AVEN: variants seen among roughly 807,000 people sequenced by gnomAD.
The protein encoded by AVEN is apoptosis and caspase activation inhibitor, also known as cell death regulator Aven.
Under a neutral mutation model 38.1 loss-of-function variants are expected in AVEN, and 41 were observed. The observed-to-expected ratio is 1.08, with a 90% CI of 0.84 to 1.40. AVEN has a LOEUF of 1.40. Ranked by LOEUF, AVEN falls within the 40% of genes most tolerant of loss-of-function variation. The probability of loss-of-function intolerance (pLI) is 0.00; values close to 1 mark genes in which losing one functional copy is unlikely to be tolerated. For missense variants in AVEN, 605 were observed against 438.8 expected (o/e 1.38, Z -3.38); for synonymous variants, 206 against 171.8 (o/e 1.20, Z -1.56).
intron 2 of AVEN, among the ~76,000 whole-genome samples, chr15:33,909,301 G>T (rs745696776): frequency 6.6e-6 from 1 of 152,104 alleles, no homozygotes; most frequent in Non-Finnish European, 1.5e-5. Flanking sequence ...CAGAGAAAGA[G>T]ACAAAAGTAA....
At chr15:33,898,493 C>T (rs1248643301) in intron 2 of AVEN, among the ~76,000 whole-genome samples, 1 of 152,178 alleles carries the variant, frequency 6.6e-6, no homozygotes, top group African/African-American at 2.4e-5. Flanking sequence ...AGCATCTAGC[C>T]TTGCTAGCAA....
chr15:34,024,137 T>C (rs566078075), intron 1 of AVEN, among the ~76,000 whole-genome samples: 1,388 of 137,264 alleles, frequency 0.01, 8 homozygotes, highest in Non-Finnish European at 0.011. Flanking sequence ...GCTGATACTA[T>C]GCCAGGCATT....
In AVEN at chr15:33,867,631, T is replaced by C; in HGVS notation, c.837A>G (p.Gly279=). The C allele has an allele frequency of 6.2e-7, 1 of 1,614,206 alleles. No individual in the cohort carries two copies. The highest frequency in any genetic ancestry group is 8.5e-7 in the Non-Finnish European group (1 of 1,180,044). The change falls in exon 5 of 6, where the codon GGA becomes GGG. Residue 279 remains glycine (G), a synonymous_variant. Coordinates refer to ENST00000306730, the MANE Select transcript of AVEN (RefSeq NM_020371.3). ...QKPTSPLQSA[G]DHLEEELDLL... is the part of the protein sequence containing the mutation. ...GATCTAGTTCTTCTTCCAAATGGTC[T>C]CCTGCTGACTGCAGTGGGGAAGTGG...
intron 5 of AVEN, chr15:34,062,721 G>A: frequency 6.2e-7 from 1 of 1,606,668 alleles, no homozygotes; most frequent in Non-Finnish European, 8.5e-7. Context: ...CACCAGGATG[G>A]AAGGGGATTC....
chr15:34,013,190 T>C (rs1412664158), intron 1 of AVEN, among the ~76,000 whole-genome samples: 1 of 152,004 alleles, frequency 6.6e-6, no homozygotes, highest in Non-Finnish European at 1.5e-5. Context: ...GCCTCCTGAG[T>C]AGCTGGGATT....
intron 1 of AVEN, 123 bp downstream of exon 1, chr15:34,038,657 C>T: frequency 1.1e-6 from 1 of 950,178 alleles, no homozygotes; most frequent in South Asian, 5.1e-5. Context: ...CCCGCGCAGG[C>T]GCCGGCGCCG....
intron 2 of AVEN, among the ~76,000 whole-genome samples, chr15:33,957,801 G>A (rs1211399899): frequency 6.6e-6 from 1 of 152,010 alleles, no homozygotes; most frequent in Non-Finnish European, 1.5e-5. Context: ...ACTAATCACA[G>A]TGCTAGAAAT....
intron 1 of AVEN, among the ~76,000 whole-genome samples, chr15:34,028,284 G>A (rs1898594998): frequency 6.6e-6 from 1 of 152,172 alleles, no homozygotes; most frequent in Non-Finnish European, 1.5e-5. Context: ...ACAAGAGAAG[G>A]CCAGGTGCAG....
intron 3 of AVEN, among the ~76,000 whole-genome samples, chr15:33,874,047 C>CA (rs1001893963): frequency 6.6e-6 from 1 of 152,160 alleles, no homozygotes; most frequent in African/African-American, 2.4e-5. Context: ...AATCCCTCCC[C>CA]ATCCTTCCCA....
chr15:33,935,203 C>T (rs1894011552), intron 2 of AVEN, among the ~76,000 whole-genome samples: 1 of 152,194 alleles, frequency 6.6e-6, no homozygotes, highest in South Asian at 2.1e-4. Context: ...GAAAACATCT[C>T]TTTCCACAGG....
intron 2 of AVEN, among the ~76,000 whole-genome samples, chr15:33,949,831 GA>G (rs1398823827): frequency 5.9e-5 from 9 of 152,054 alleles, no homozygotes; most frequent in African/African-American, 2.2e-4. Flanking sequence ...ATTAAAATGG[GA>G]ACTACCATAT....
intron 5 of AVEN, among the ~76,000 whole-genome samples, chr15:34,059,960 T>C (rs192960651): frequency 2.6e-5 from 4 of 152,124 alleles, no homozygotes; most frequent in Admixed American, 2.6e-4. Context: ...TAATAAACAT[T>C]CAAATATTTA....
chr15:33,911,188 C>T (rs750993072), intron 2 of AVEN, among the ~76,000 whole-genome samples: 6 of 152,178 alleles, frequency 3.9e-5, no homozygotes, highest in Admixed American at 3.3e-4. Flanking sequence ...TCAAAACCAC[C>T]GCTGCCAATA....
At position 34,062,750 on chromosome 15, in the gene AVEN, C is replaced by T. The variant is rs75917306; in HGVS notation, n.1637+172G>A. 6.7e-3 allele frequency: 10,750 copies of T among 1,613,170 alleles called. 345 individuals are homozygous for T. In the Admixed American group the frequency reaches 0.079, roughly 12 times the overall value. ...GGGATTCTTACCACAATGCAACCAC[C>T]GTCAATGGCACCCCAGTAAATCACC... On this transcript the variant is annotated intron_variant and non_coding_transcript_variant, in intron 5 of 11. Coordinates refer to the AVEN transcript ENST00000675287.
intron 11 of AVEN, chr15:33,860,522 G>A: frequency 2.3e-6 from 2 of 854,396 alleles, no homozygotes; most frequent in Middle Eastern, 4.5e-4. Flanking sequence ...GAACAAAGTA[G>A]CTTCTTCCTT....
At chr15:34,050,013 G>A (rs140860156) in intron 5 of AVEN, among the ~76,000 whole-genome samples, 1,533 of 150,678 alleles carry the variant, frequency 0.01, 7 homozygotes, top group East Asian at 0.026. Context: ...TCAGCCTCCC[G>A]AGTAGCTGGG....
intron 2 of AVEN, among the ~76,000 whole-genome samples, chr15:33,911,958 T>C (rs1892933784): frequency 6.6e-6 from 1 of 152,172 alleles, no homozygotes; most frequent in South Asian, 2.1e-4. Flanking sequence ...AATAACAGTA[T>C]TTGAATAAGC....
At chr15:33,924,256 C>T (rs914923421) in intron 2 of AVEN, among the ~76,000 whole-genome samples, 1 of 151,632 alleles carries the variant, frequency 6.6e-6, no homozygotes. Flanking sequence ...TGTAGTCCCA[C>T]CTACTCGGGA....
At chr15:33,887,914 C>T (rs16958235) in intron 2 of AVEN, among the ~76,000 whole-genome samples, 11,089 of 151,958 alleles carry the variant, frequency 0.073, 563 homozygotes, top group South Asian at 0.15. Context: ...TCAAAGCTTC[C>T]GGGTCCAATG....
Sources: gnomAD v4.1 joint callset for allele counts (sites outside exome capture counted in the v4.1 genomes callset) on GRCh38, gnomAD v4.1.1 for gene constraint, MANE v1.5 for transcripts, NCBI Gene and HGNC (gene_info 2026-07-23, HGNC 2026-07-21) for gene names.